The following FAM135B variants were observed in gnomAD, a reference collection of about 807,000 sequenced individuals.
The protein encoded by FAM135B is protein FAM135B.
In FAM135B, 43 loss-of-function variants were observed where a neutral mutation model predicts 127.7. The observed-to-expected ratio is 0.34, with a 90% confidence interval of 0.26 to 0.43. The LOEUF (loss-of-function observed/expected upper bound fraction) is 0.43, where lower values mean the gene tolerates loss of function less well. Among genes scored for constraint, FAM135B ranks in the 20% least tolerant of loss-of-function variants. FAM135B has a pLI of 1.00. For missense variants in FAM135B, 1,558 were observed against 1,725.6 expected (o/e 0.90, Z 1.72); for synonymous variants, 670 against 665.1 (o/e 1.01, Z -0.11).
intron 3 of FAM135B, among the ~76,000 whole-genome samples, chr8:138,300,513 G>A (rs570015734): frequency 3.9e-5 from 6 of 152,074 alleles, no homozygotes; most frequent in Non-Finnish European, 8.8e-5. Flanking sequence ...CTGCTGCAAA[G>A]GTCCTCAAAG....
At chr8:138,161,954 T>C (rs1819443065) in intron 12 of FAM135B, among the ~76,000 whole-genome samples, 1 of 152,006 alleles carries the variant, frequency 6.6e-6, no homozygotes, top group Admixed American at 6.6e-5. Context: ...GGCTAGTACA[T>C]AGGTGATGAA....
At chr8:138,415,316 C>T (rs1031649696) in intron 1 of FAM135B, among the ~76,000 whole-genome samples, 1 of 152,318 alleles carries the variant, frequency 6.6e-6, no homozygotes, top group South Asian at 2.1e-4. Flanking sequence ...GGGACTCACA[C>T]AGCATCTGGC....
intron 1 of FAM135B, among the ~76,000 whole-genome samples, chr8:138,468,382 T>G (rs1264595462): frequency 1.3e-5 from 2 of 152,194 alleles, no homozygotes; most frequent in Non-Finnish European, 2.9e-5. Flanking sequence ...TCTCTATCTA[T>G]GGACAGAAGA....
At chr8:138,438,634 C>G (rs1472949408) in intron 1 of FAM135B, 3 of 152,014 alleles carry the variant, frequency 2.0e-5, no homozygotes, top group Admixed American at 6.5e-5. Flanking sequence ...AACCAAGGAA[C>G]AAGAGAGGGA....
At chr8:138,258,293 G>A (rs1307789160) in intron 4 of FAM135B, among the ~76,000 whole-genome samples, 1 of 152,130 alleles carries the variant, frequency 6.6e-6, no homozygotes, top group Non-Finnish European at 1.5e-5. Flanking sequence ...CTTTGGAAAT[G>A]TATTCCTGGT....
At chr8:138,310,457 G>A (rs57609043) in intron 3 of FAM135B, among the ~76,000 whole-genome samples, 62 of 152,072 alleles carry the variant, frequency 4.1e-4, no homozygotes, top group African/African-American at 1.3e-3. Flanking sequence ...AAGTGCCACC[G>A]ACACCGCCTA....
intron 1 of FAM135B, among the ~76,000 whole-genome samples, chr8:138,399,746 C>A (rs935361663): frequency 1.3e-5 from 2 of 152,186 alleles, no homozygotes; most frequent in Non-Finnish European, 2.9e-5. Context: ...TACCTAATAA[C>A]TCCCCAGGCT....
chr8:138,167,983 C>T lies in FAM135B; in HGVS notation c.1170G>A (p.Pro390=), dbSNP rs376987567. ...RNSEYLTSMP[P]LPAECLDIDG... is the part of the protein sequence containing the mutation. Reference sequence around the variant, plus strand: ...CGATGTCCAGGCACTCTGCAGGCAGCGGGGGCATGCTAGTGAGGTACTCCG... The same window carrying T: ...CGATGTCCAGGCACTCTGCAGGCAGTGGGGGCATGCTAGTGAGGTACTCCG... The change falls in exon 12 of 20, where the codon CCG becomes CCA. Residue 390 remains proline (P), a synonymous_variant. Coordinates refer to ENST00000395297, the MANE Select transcript of FAM135B (RefSeq NM_015912.4). 93 of 1,613,670 alleles carry T rather than the reference C, an allele frequency of 5.8e-5. No individual in the cohort carries two copies. Among genetic ancestry groups the T allele is most frequent in the African/African-American group, 5.3e-4 (40 of 74,874 alleles).
At chr8:138,165,592 C>T (rs1046285876) in intron 12 of FAM135B, among the ~76,000 whole-genome samples, 2 of 152,034 alleles carry the variant, frequency 1.3e-5, no homozygotes, top group African/African-American at 2.4e-5. Context: ...TGCTAGTGGG[C>T]GATTAATTTA....
chr8:138,411,277 G>C (rs4262328), intron 1 of FAM135B, among the ~76,000 whole-genome samples: 2,677 of 152,010 alleles, frequency 0.018, 75 homozygotes, highest in African/African-American at 0.06. Flanking sequence ...GCATGGTACT[G>C]GTACCGAAAC....
intron 3 of FAM135B, among the ~76,000 whole-genome samples, chr8:138,266,953 G>A (rs1322401116): frequency 4.6e-5 from 7 of 152,024 alleles, no homozygotes; most frequent in Non-Finnish European, 1.0e-4. Flanking sequence ...TTTCAATTGT[G>A]GTTACTTTCC....
At chr8:138,227,900 G>A (rs779477646) in intron 7 of FAM135B, among the ~76,000 whole-genome samples, 5 of 151,900 alleles carry the variant, frequency 3.3e-5, no homozygotes, top group Non-Finnish European at 7.4e-5. Context: ...AAGGTGAACT[G>A]CAATGAAAAA....
At chr8:138,416,823 CA>C (rs1834184319) in intron 1 of FAM135B, among the ~76,000 whole-genome samples, 1 of 151,962 alleles carries the variant, frequency 6.6e-6, no homozygotes, top group African/African-American at 2.4e-5. Flanking sequence ...GGTGCAGATG[CA>C]AGGCTAAAAG....
intron 2 of FAM135B, among the ~76,000 whole-genome samples, chr8:138,352,991 C>G (rs2131130307): frequency 6.6e-6 from 1 of 152,284 alleles, no homozygotes; most frequent in East Asian, 1.9e-4. Flanking sequence ...TGAGTGCCAA[C>G]TATGTTCTAG....
At chr8:138,327,167 T>C (rs1447832178) in intron 2 of FAM135B, among the ~76,000 whole-genome samples, 5 of 152,162 alleles carry the variant, frequency 3.3e-5, no homozygotes, top group African/African-American at 1.2e-4. Flanking sequence ...AGGTACTCTG[T>C]AAATATCAAT....
intron 7 of FAM135B, among the ~76,000 whole-genome samples, chr8:138,226,567 T>C (rs1447577208): frequency 6.6e-6 from 1 of 151,842 alleles, no homozygotes; most frequent in Non-Finnish European, 1.5e-5. Context: ...GTGTGTTTGT[T>C]TTGTTTTTGA....
chr8:138,237,400 A>G (rs1820385980), intron 7 of FAM135B, among the ~76,000 whole-genome samples: 1 of 152,044 alleles, frequency 6.6e-6, no homozygotes, highest in Non-Finnish European at 1.5e-5. Context: ...ACCTTTGGTG[A>G]TCTGCCCGCC....
intron 2 of FAM135B, among the ~76,000 whole-genome samples, chr8:138,323,588 C>T (rs1387442558): frequency 6.6e-6 from 1 of 152,138 alleles, no homozygotes; most frequent in East Asian, 1.9e-4. Flanking sequence ...CCTTACTGTC[C>T]CTGGTGACAT....
At chr8:138,429,362 T>G (rs1044734230) in intron 1 of FAM135B, among the ~76,000 whole-genome samples, 5 of 152,186 alleles carry the variant, frequency 3.3e-5, no homozygotes, top group African/African-American at 9.7e-5. Context: ...AATTGGCTTT[T>G]ATTATCATCA....
Sources: gnomAD v4.1 joint callset for allele counts (sites outside exome capture counted in the v4.1 genomes callset) on GRCh38, gnomAD v4.1.1 for gene constraint, MANE v1.5 for transcripts, NCBI Gene and HGNC (gene_info 2026-07-23, HGNC 2026-07-21) for gene names.